Variants in MAX observed in about 807,000 individuals in gnomAD.
MAX encodes MYC associated transcriptional regulator X, also known as protein max.
Under a neutral mutation model 22.3 loss-of-function variants are expected in MAX, and 3 were observed. The observed-to-expected ratio is 0.13, with a 90% CI of 0.06 to 0.35. The LOEUF (loss-of-function observed/expected upper bound fraction) is 0.35. Ranked by LOEUF, MAX falls within the 10% of genes least tolerant of loss-of-function variation. The pLI is 1.00. For missense variants in MAX, 119 were observed against 209.4 expected (o/e 0.57, Z 2.66); for synonymous variants, 72 against 77.7 (o/e 0.93, Z 0.39).
chr14:65,021,267 A>G (rs1459122627), intron 3 of MAX, among the ~76,000 whole-genome samples: 2 of 152,212 alleles, frequency 1.3e-5, no homozygotes, highest in African/African-American at 2.4e-5. Flanking sequence ...TAGCTTCTGT[A>G]AGATTTAAAA....
rs373737401 is a variant in MAX at position 65,078,223 on chromosome 14, CAG to C, written c.172-189_172-188del. Among the ~76,000 whole-genome samples, 793 of 152,120 alleles carry C rather than the reference CAG, an allele frequency of 5.2e-3. 7 individuals carry two copies. The highest frequency in any genetic ancestry group is 0.018 in the African/African-American group (727 of 41,478). ...TATTTATTTTTTTATTTTTTTGAGA[CAG>C]AGTTTCGCTCTTGTTGCCCAAGCTG... On this transcript the variant is annotated intron_variant, in intron 3 of 4. Transcript: ENST00000358664. This position sits in a 1 kb window ranked among gnomAD's most constrained non-coding sequence, Gnocchi z 6.4.
At chr14:65,100,719 T>C (rs2063807008) in intron 2 of MAX, among the ~76,000 whole-genome samples, 1 of 152,222 alleles carries the variant, frequency 6.6e-6, no homozygotes, top group African/African-American at 2.4e-5. Flanking sequence ...CCTCGCTGAT[T>C]CTGATTTATT....
At chr14:65,036,373 A>G (rs1486044403) in intron 3 of MAX, among the ~76,000 whole-genome samples, 1 of 151,402 alleles carries the variant, frequency 6.6e-6, no homozygotes, top group Non-Finnish European at 1.5e-5. Context: ...AGTAGCCAGG[A>G]CTGCAGGTGT....
At chr14:65,098,038 G>A (rs1290939880) in intron 2 of MAX, among the ~76,000 whole-genome samples, 1 of 152,188 alleles carries the variant, frequency 6.6e-6, no homozygotes, top group Non-Finnish European at 1.5e-5. Context: ...CCATTTCAGA[G>A]AAGGATGCCT....
chr14:65,074,748 G>A (rs1435177100), downstream of MAX, among the ~76,000 whole-genome samples: 2 of 152,152 alleles, frequency 1.3e-5, no homozygotes, highest in African/African-American at 2.4e-5. Context: ...GAAACTGAAA[G>A]GTCCTGGAGA....
At chr14:65,090,092 T>C (rs2063459488) in intron 3 of MAX, 1 of 152,202 alleles carries the variant, frequency 6.6e-6, no homozygotes, top group Non-Finnish European at 1.5e-5. Flanking sequence ...TAAATGATCC[T>C]TAATACCCTG....
intron 3 of MAX, among the ~76,000 whole-genome samples, chr14:65,008,180 G>T (rs78097680): frequency 0.013 from 1,930 of 152,316 alleles, 45 homozygotes; most frequent in African/African-American, 0.045. Flanking sequence ...TGACTAGAGA[G>T]GCCCCTGGCT....
At chr14:65,071,974 T>C (rs1360384052), downstream of MAX, among the ~76,000 whole-genome samples, 2 of 152,246 alleles carry the variant, frequency 1.3e-5, no homozygotes, top group African/African-American at 4.8e-5. This position sits in a 1 kb window ranked among gnomAD's most constrained non-coding sequence, Gnocchi z 4.2. Context: ...TGGGGATGTA[T>C]GAGTTAGCCG....
Position 65,029,997 on chromosome 14 carries a change from C to T in MAX, c.172-23713G>A, listed in dbSNP as rs1237854321. Among the ~76,000 whole-genome samples, 3 of 152,020 alleles carry T rather than the reference C, an allele frequency of 2.0e-5. No homozygotes were observed. The highest frequency in any genetic ancestry group is 1.9e-4 in the East Asian group (1 of 5,194). On this transcript the variant is annotated intron_variant, in intron 3 of 3. Coordinates refer to the MAX transcript ENST00000341653. The surrounding 1 kb of genome is among the most constrained non-coding windows in gnomAD (Gnocchi z 4.7). ...TGGACAAATTCAAATTTGAGAGCTG[C>T]GATGACTGGGTGGAGGGAAAGGGGG...
At chr14:65,083,951 A>G in intron 3 of MAX, 1 of 1,377,578 alleles carries the variant, frequency 7.3e-7, no homozygotes, top group East Asian at 2.8e-5. Context: ...ACATTAAACT[A>G]GTTCATTCAA....
chr14:65,054,443 A>C lies in MAX; in HGVS notation c.171+39265T>G. 1.1e-6 allele frequency: 1 copy of C among 881,800 alleles called. No individual in the cohort carries two copies. Among genetic ancestry groups the C allele is most frequent in the South Asian group, 1.6e-5 (1 of 60,658 alleles). The allele number at this position is 881,800 out of a possible 1,614,324, so 54.6% of individuals were successfully genotyped here. ...TTTAAATAACACTGCTGGGAAAACC[A>C]TGCCTCCTCTAGCCACATGGAGGAT... On this transcript the variant is annotated intron_variant, in intron 3 of 3. Coordinates refer to the MAX transcript ENST00000341653. The surrounding 1 kb of genome is among the most constrained non-coding windows in gnomAD (Gnocchi z 4.4).
chr14:65,099,816 A>G (rs961833880), intron 2 of MAX, among the ~76,000 whole-genome samples: 1 of 152,252 alleles, frequency 6.6e-6, no homozygotes, highest in Non-Finnish European at 1.5e-5. Flanking sequence ...TCAAGGATAA[A>G]TAAAATAAAA....
At position 65,093,567 on chromosome 14, in the gene MAX, C is replaced by T. The variant is rs1168788463; in HGVS notation, c.171+141G>A. 7 of 698,800 alleles carry T rather than the reference C, an allele frequency of 1.0e-5. No homozygotes were observed. The highest frequency in any genetic ancestry group is 2.0e-5 in the Admixed American group (1 of 49,670). The allele number at this position is 698,800 out of a possible 1,614,324, so 43.3% of individuals were successfully genotyped here. On this transcript the variant is annotated intron_variant, in intron 3 of 4. Coordinates refer to ENST00000358664, the MANE Select transcript of MAX (RefSeq NM_002382.5). This position sits in a 1 kb window ranked among gnomAD's most constrained non-coding sequence, Gnocchi z 4.4. ...GTACGTAAGGTGTGCAGTGATCCTCCAAACAGTCAAAAATAAGGCAACCAT... is the reference window on the plus strand; with the variant it reads ...GTACGTAAGGTGTGCAGTGATCCTCTAAACAGTCAAAAATAAGGCAACCAT...
chr14:65,051,880 C>T (rs540515662), intron 3 of MAX, among the ~76,000 whole-genome samples: 142 of 151,342 alleles, frequency 9.4e-4, no homozygotes, highest in African/African-American at 2.8e-3. Context: ...CTGCAAACTC[C>T]GCCTCCTGGG....
At chr14:65,100,636 C>T (rs539710771) in intron 2 of MAX, among the ~76,000 whole-genome samples, 12 of 152,070 alleles carry the variant, frequency 7.9e-5, no homozygotes, top group Non-Finnish European at 1.8e-4. Flanking sequence ...GAACTTTTTA[C>T]CCCCATTCTA....
Position 65,054,040 on chromosome 14 carries a change from T to TA in MAX, c.171+39667dup, listed in dbSNP as rs892496011. ...TACAGTTTCCTTTAATAGTTTAAGG[T>TA]AAAAAAAGAAAGAAAAGAAAAAAAA... On this transcript the variant is annotated intron_variant, in intron 3 of 3. Coordinates refer to the MAX transcript ENST00000341653. This position sits in a 1 kb window ranked among gnomAD's most constrained non-coding sequence, Gnocchi z 4.4. Among the ~76,000 whole-genome samples, 9 of 152,202 alleles carry TA rather than the reference T, an allele frequency of 5.9e-5. No individual in the cohort carries two copies. The highest frequency in any genetic ancestry group is 2.1e-4 in the South Asian group (1 of 4,816).
intron 3 of MAX, among the ~76,000 whole-genome samples, chr14:65,052,143 T>G (rs1392388900): frequency 6.6e-6 from 1 of 152,200 alleles, no homozygotes; most frequent in Middle Eastern, 3.2e-3. Flanking sequence ...TTTAGCTCAG[T>G]TCTTTTTATG....
At chr14:65,101,622 C>A (rs890006526) in intron 1 of MAX, 50 bp from the exon 2 acceptor site, 1 of 1,347,472 alleles carries the variant, frequency 7.4e-7, no homozygotes, top group African/African-American at 1.5e-5. Context: ...GTTATTTTTA[C>A]ACTTAACATT....
chr14:65,069,734 A>T lies in MAX; in HGVS notation c.171+23974T>A, dbSNP rs1293326309. On this transcript the variant is annotated intron_variant, in intron 3 of 3. Coordinates refer to the MAX transcript ENST00000341653. The surrounding 1 kb of genome is among the most constrained non-coding windows in gnomAD (Gnocchi z 4.6). ...GTGCTAGGAGTCCAGTAACAAGTGC[A>T]CAGACCAGCCACTGACTCTGTGGGG... Among the ~76,000 whole-genome samples, 1 of 152,246 alleles carries T rather than the reference A, an allele frequency of 6.6e-6. No individual in the cohort carries two copies. The highest frequency in any genetic ancestry group is 2.4e-5 in the African/African-American group (1 of 41,476).
Sources: gnomAD v4.1 joint callset for allele counts (sites outside exome capture counted in the v4.1 genomes callset) on GRCh38, gnomAD v4.1.1 for gene constraint, Gnocchi (gnomAD v3.1) non-coding constraint, MANE v1.5 for transcripts, NCBI Gene and HGNC (gene_info 2026-07-23, HGNC 2026-07-21) for gene names.